OBP2B: variants seen among roughly 807,000 people sequenced by gnomAD.
The protein encoded by OBP2B is odorant-binding protein 2b.
In OBP2B, 10 loss-of-function variants were observed where a neutral mutation model predicts 21.7. The observed-to-expected ratio is 0.46, with a 90% CI of 0.28 to 0.78. OBP2B has a LOEUF of 0.78. Ranked by LOEUF, OBP2B falls within the 30% of genes least tolerant of loss-of-function variation. The pLI, the probability that OBP2B is intolerant of heterozygous loss-of-function variation, is 0.11. For missense variants in OBP2B, 153 were observed against 217.7 expected (o/e 0.70, Z 1.87); for synonymous variants, 73 against 91.5 (o/e 0.80, Z 1.16).
intron 6 of OBP2B, chr9:133,205,672 C>T (rs371442499): frequency 6.4e-6 from 4 of 623,118 alleles, no homozygotes; most frequent in Non-Finnish European, 1.1e-5. Context: ...GGAGGGAGGC[C>T]TCGCTGTGGA....
chr9:133,212,795 G>T (rs781922451), upstream of OBP2B, among the ~76,000 whole-genome samples: 2 of 151,914 alleles, frequency 1.3e-5, no homozygotes, highest in Non-Finnish European at 1.5e-5. Flanking sequence ...GCTGAGTGTG[G>T]TGGTGCACGC....
chr9:133,206,438 G>A (rs782642346), intron 4 of OBP2B, 22 bp from the exon 5 acceptor site: 1 of 1,612,604 alleles, frequency 6.2e-7, no homozygotes, highest in Admixed American at 1.7e-5. Flanking sequence ...GTGGCCAGGT[G>A]AGCCGACGTG....
At chr9:133,222,912 C>G in the OBP2B span, among the ~76,000 whole-genome samples, 1 of 151,784 alleles carries the variant, frequency 6.6e-6, no homozygotes, top group Non-Finnish European at 1.5e-5. Flanking sequence ...ACCGGAGCCC[C>G]CACTCCCTCC....
At chr9:133,208,838 G>A (rs1476062941) in intron 1 of OBP2B, among the ~76,000 whole-genome samples, 11 of 152,090 alleles carry the variant, frequency 7.2e-5, no homozygotes, top group East Asian at 1.9e-4. Flanking sequence ...ATGGACCCCC[G>A]GGCCCCAGCA....
the OBP2B span, among the ~76,000 whole-genome samples, chr9:133,216,658 C>T: frequency 2.0e-5 from 3 of 151,988 alleles, no homozygotes; most frequent in East Asian, 1.9e-4. Context: ...GTGGTACATC[C>T]ATACCATAGA....
At chr9:133,222,597 A>G in the OBP2B span, among the ~76,000 whole-genome samples, 1 of 152,198 alleles carries the variant, frequency 6.6e-6, no homozygotes, top group Non-Finnish European at 1.5e-5. Context: ...GCGTGGAGGC[A>G]CGTGCCTGTA....
intron 1 of OBP2B, among the ~76,000 whole-genome samples, 156 bp from the exon 2 acceptor site, chr9:133,208,758 G>A (rs1391198585): frequency 7.9e-5 from 12 of 152,142 alleles, no homozygotes; most frequent in Admixed American, 7.9e-4. Flanking sequence ...AGCTCAGCTG[G>A]AGTGAGTTAG....
intron 1 of OBP2B, among the ~76,000 whole-genome samples, chr9:133,208,884 C>T (rs1429490856): frequency 6.6e-6 from 1 of 152,006 alleles, no homozygotes; most frequent in Non-Finnish European, 1.5e-5. Context: ...CCCAACCCTG[C>T]GAGACCTTCG....
At chr9:133,211,737 A>G (rs1833919426), upstream of OBP2B, among the ~76,000 whole-genome samples, 1 of 152,192 alleles carries the variant, frequency 6.6e-6, no homozygotes. Flanking sequence ...TACCTTCCAA[A>G]TCTCACTTGA....
chr9:133,207,977 C>T, intron 3 of OBP2B, 156 bp downstream of exon 3: 1 of 1,527,414 alleles, frequency 6.5e-7, no homozygotes, highest in Non-Finnish European at 8.8e-7. Flanking sequence ...GTCAGGGCCA[C>T]CAGCCCCCCA....
chr9:133,206,103 G>T (rs1461640816), intron 5 of OBP2B, among the ~76,000 whole-genome samples, 163 bp from the exon 6 acceptor site: 1 of 151,766 alleles, frequency 6.6e-6, no homozygotes, highest in Admixed American at 6.6e-5. Context: ...CCCCATCGCA[G>T]CCCAGAGCGC....
chr9:133,212,426 G>A (rs1833925090), upstream of OBP2B, among the ~76,000 whole-genome samples: 2 of 152,206 alleles, frequency 1.3e-5, no homozygotes, highest in Non-Finnish European at 2.9e-5. Context: ...TATCCTGGAT[G>A]AGAAAATGAG....
the OBP2B span, among the ~76,000 whole-genome samples, chr9:133,221,668 T>C: frequency 6.6e-6 from 1 of 152,166 alleles, no homozygotes; most frequent in Non-Finnish European, 1.5e-5. Context: ...ACAATGGAGA[T>C]GTTCCATCCT....
At chr9:133,217,347 G>T in the OBP2B span, among the ~76,000 whole-genome samples, 1 of 152,174 alleles carries the variant, frequency 6.6e-6, no homozygotes, top group African/African-American at 2.4e-5. Flanking sequence ...CTTCATGGCC[G>T]GTTCCGAGGC....
At chr9:133,220,408 C>T in the OBP2B span, among the ~76,000 whole-genome samples, 2,265 of 152,312 alleles carry the variant, frequency 0.015, 72 homozygotes, top group African/African-American at 0.052. Context: ...CGGAGACACC[C>T]TGTTCATTTA....
In OBP2B at chr9:133,205,961, C is replaced by G. The variant is rs1166432503; in HGVS notation, c.491-21G>C. ...GCTTCCTGCAGAGACCAAGAAAAAC[C>G]CAGGGATTAGAAGGCGCCCTAGACC... On this transcript the variant is annotated intron_variant, in intron 5 of 6. Coordinates refer to ENST00000372034, the MANE Select transcript of OBP2B (RefSeq NM_014581.4). 1.9e-6 allele frequency: 3 copies of G among 1,613,920 alleles called. No individual in the cohort carries two copies. In the South Asian group the frequency reaches 3.3e-5, roughly 18 times the overall value.
At chr9:133,218,335 A>G in the OBP2B span, among the ~76,000 whole-genome samples, 2 of 152,342 alleles carry the variant, frequency 1.3e-5, no homozygotes, top group Admixed American at 1.3e-4. Context: ...GTAGGGATTA[A>G]GGACCACCAC....
the OBP2B span, among the ~76,000 whole-genome samples, chr9:133,217,682 G>A: frequency 1.3e-5 from 2 of 152,160 alleles, no homozygotes; most frequent in Non-Finnish European, 2.9e-5. Context: ...TGGGGAGAGA[G>A]GCTTCCTGCT....
the OBP2B span, among the ~76,000 whole-genome samples, chr9:133,223,034 G>T: frequency 6.6e-6 from 1 of 152,096 alleles, no homozygotes; most frequent in Non-Finnish European, 1.5e-5. This position sits in a 1 kb window ranked among gnomAD's most constrained non-coding sequence, Gnocchi z 4.4. Flanking sequence ...TGTCCTCACC[G>T]CTTTAACTAG....
Sources: gnomAD v4.1 joint callset for allele counts (sites outside exome capture counted in the v4.1 genomes callset) on GRCh38, gnomAD v4.1.1 for gene constraint, Gnocchi (gnomAD v3.1) non-coding constraint, MANE v1.5 for transcripts, NCBI Gene and HGNC (gene_info 2026-07-23, HGNC 2026-07-21) for gene names.